CACNA2D3: variants seen among roughly 807,000 people sequenced by gnomAD.
The protein encoded by CACNA2D3 is calcium voltage-gated channel auxiliary subunit alpha2delta 3.
In CACNA2D3, 60 loss-of-function variants were observed where a neutral mutation model predicts 160.6. That is an observed-to-expected ratio of 0.37 (90% CI 0.30 to 0.46). CACNA2D3 has a LOEUF of 0.46. CACNA2D3 is among the 20% of genes least tolerant of loss of function. CACNA2D3 has a pLI of 1.00. For missense variants in CACNA2D3, 1,205 were observed against 1,365.0 expected, an observed-to-expected ratio of 0.88 and a Z score of 1.85; for synonymous variants, 558 against 492.9, an observed-to-expected ratio of 1.13 and a Z score of -1.75.
At chr3:54,494,562 G>A (rs932491330) in intron 4 of CACNA2D3, among the ~76,000 whole-genome samples, 3 of 152,180 alleles carry the variant, frequency 2.0e-5, no homozygotes, top group African/African-American at 7.2e-5. Flanking sequence ...TTAACTTCCA[G>A]TTCTATGAAA....
At chr3:54,356,551 C>T (rs1458422556) in intron 3 of CACNA2D3, among the ~76,000 whole-genome samples, 1 of 152,126 alleles carries the variant, frequency 6.6e-6, no homozygotes, top group Non-Finnish European at 1.5e-5. Context: ...CTGTGAAACC[C>T]TTTATAAATA....
At chr3:54,816,623 A>G (rs1196545528) in intron 13 of CACNA2D3, among the ~76,000 whole-genome samples, 1 of 152,222 alleles carries the variant, frequency 6.6e-6, no homozygotes, top group Non-Finnish European at 1.5e-5. Flanking sequence ...CCCAAAACAC[A>G]TGCTGGAAAG....
chr3:54,357,373 A>T (rs1168887663), intron 3 of CACNA2D3, among the ~76,000 whole-genome samples: 1 of 152,204 alleles, frequency 6.6e-6, no homozygotes, highest in Admixed American at 6.5e-5. Flanking sequence ...TCATAAATTG[A>T]TGTGATCACA....
intron 4 of CACNA2D3, among the ~76,000 whole-genome samples, chr3:54,464,019 A>T (rs1700560104): frequency 6.6e-6 from 1 of 152,034 alleles, no homozygotes; most frequent in African/African-American, 2.4e-5. Flanking sequence ...GGTCTGTTGG[A>T]GTTTGCTAGA....
intron 13 of CACNA2D3, among the ~76,000 whole-genome samples, chr3:54,795,882 AT>A (rs1170503423): frequency 6.6e-6 from 1 of 152,234 alleles, no homozygotes; most frequent in Non-Finnish European, 1.5e-5. Context: ...GGCAGGAAAA[AT>A]TCCACTGAAA....
rs61059647 is a variant in CACNA2D3 at position 54,284,309 on chromosome 3, T to A, written c.205-36133T>A. On this transcript the variant is annotated intron_variant, in intron 2 of 37. Transcript: ENST00000474759. ...ATTAAATTAAAAAAATTAAAAAAAT[T>A]AAATAAAATGGTACAATTAAGTTTT... 9.1e-3 allele frequency among the ~76,000 whole-genome samples: 1,379 copies of A among 151,400 alleles called. 27 individuals are homozygous for A. Among genetic ancestry groups the A allele is most frequent in the East Asian group, 0.064 (330 of 5,178 alleles).
intron 5 of CACNA2D3, among the ~76,000 whole-genome samples, chr3:54,518,415 T>A (rs978377577): frequency 1.3e-5 from 2 of 151,772 alleles, no homozygotes; most frequent in Non-Finnish European, 2.9e-5. Flanking sequence ...GCACCTGGGG[T>A]TCCCCCCAGT....
At chr3:54,830,363 T>C (rs1218713172) in intron 14 of CACNA2D3, among the ~76,000 whole-genome samples, 3 of 152,150 alleles carry the variant, frequency 2.0e-5, no homozygotes, top group African/African-American at 7.2e-5. Context: ...TCAAGGCAAA[T>C]GTTATTATCA....
chr3:54,740,476 G>T (rs1355924484), intron 11 of CACNA2D3, among the ~76,000 whole-genome samples: 3 of 152,078 alleles, frequency 2.0e-5, no homozygotes, highest in Non-Finnish European at 4.4e-5. Flanking sequence ...TGGGAGTTGA[G>T]GATCTTGGGT....
chr3:54,199,107 C>T (rs1701130749), intron 2 of CACNA2D3, among the ~76,000 whole-genome samples: 1 of 152,140 alleles, frequency 6.6e-6, no homozygotes, highest in African/African-American at 2.4e-5. Flanking sequence ...ATTGTATGCC[C>T]TATTTCAGTA....
At chr3:54,782,549 A>G (rs956820906) in intron 13 of CACNA2D3, among the ~76,000 whole-genome samples, 1 of 152,074 alleles carries the variant, frequency 6.6e-6, no homozygotes, top group African/African-American at 2.4e-5. Context: ...CACTCTCCAA[A>G]AGAAAAGGGA....
intron 4 of CACNA2D3, among the ~76,000 whole-genome samples, chr3:54,503,119 G>T (rs1262662077): frequency 1.3e-5 from 2 of 152,252 alleles, no homozygotes; most frequent in African/African-American, 4.8e-5. Context: ...ACGTATATTT[G>T]CCTGTTATTT....
chr3:54,688,269 A>C (rs1348101992), intron 11 of CACNA2D3, among the ~76,000 whole-genome samples: 2 of 152,156 alleles, frequency 1.3e-5, no homozygotes, highest in Admixed American at 1.3e-4. Flanking sequence ...TTACCTACTG[A>C]TATTAGCTCA....
chr3:54,364,004 C>T (rs923632116), intron 3 of CACNA2D3, among the ~76,000 whole-genome samples: 3 of 152,062 alleles, frequency 2.0e-5, no homozygotes, highest in African/African-American at 2.4e-5. Context: ...CTGAAGAGAC[C>T]GACTCGGTTA....
chr3:54,896,630 G>A, intron 25 of CACNA2D3, 119 bp from the exon 26 acceptor site: 2 of 1,189,928 alleles, frequency 1.7e-6, no homozygotes, highest in South Asian at 1.3e-5. Flanking sequence ...ACTGAGAAAG[G>A]CAAGTTGGGG....
At chr3:54,419,685 A>G (rs1026257942) in intron 4 of CACNA2D3, among the ~76,000 whole-genome samples, 5 of 152,228 alleles carry the variant, frequency 3.3e-5, no homozygotes, top group Non-Finnish European at 7.3e-5. Flanking sequence ...GTCCCACTGA[A>G]GTTTCCAGGA....
chr3:54,289,987 C>T (rs1213954094), intron 2 of CACNA2D3, among the ~76,000 whole-genome samples: 2 of 151,416 alleles, frequency 1.3e-5, no homozygotes, highest in Non-Finnish European at 2.9e-5. Flanking sequence ...CCATTCAGGA[C>T]ATAGGCATGG....
chr3:54,586,285 C>G (rs1168421420), intron 9 of CACNA2D3, among the ~76,000 whole-genome samples: 2 of 125,164 alleles, frequency 1.6e-5, no homozygotes, highest in African/African-American at 3.0e-5. Context: ...AAAAAAGAAA[C>G]TCATTTGAAA....
intron 4 of CACNA2D3, among the ~76,000 whole-genome samples, chr3:54,491,251 C>T (rs1486843216): frequency 6.6e-6 from 1 of 152,182 alleles, no homozygotes; most frequent in Non-Finnish European, 1.5e-5. Flanking sequence ...AGGGAGTTTG[C>T]AGCCAGTTGG....
Sources: allele counts gnomAD v4.1 joint callset (sites outside exome capture counted in the v4.1 genomes callset), GRCh38; gene constraint gnomAD v4.1.1; transcripts MANE v1.5; gene names NCBI Gene and HGNC (gene_info 2026-07-23, HGNC 2026-07-21).